Variants in PDXDC1 observed in about 807,000 individuals in gnomAD.
PDXDC1 encodes pyridoxal dependent decarboxylase domain containing 1.
Under a neutral mutation model 100.1 loss-of-function variants are expected in PDXDC1, and 42 were observed. That is an observed-to-expected ratio of 0.42 (90% confidence interval 0.33 to 0.54). The LOEUF is 0.54. Ranked by LOEUF, PDXDC1 falls within the 20% of genes least tolerant of loss-of-function variation. The probability of loss-of-function intolerance (pLI) is 0.10; values close to 1 mark genes in which losing one functional copy is unlikely to be tolerated. For missense variants in PDXDC1, 636 were observed against 979.2 expected, an observed-to-expected ratio of 0.65 and a Z score of 4.68; for synonymous variants, 260 against 371.7, an observed-to-expected ratio of 0.70 and a Z score of 3.46.
At chr16:15,081,275 C>T (rs2151802814) in intron 16 of PDXDC1, among the ~76,000 whole-genome samples, 1 of 152,308 alleles carries the variant, frequency 6.6e-6, no homozygotes, top group Admixed American at 6.5e-5. Flanking sequence ...CTACATTTAA[C>T]CTTGAAGAAA....
At chr16:15,132,803 T>G (rs1451157124) in intron 16 of PDXDC1, 2 of 1,306,994 alleles carry the variant, frequency 1.5e-6, no homozygotes, top group African/African-American at 2.9e-5. Context: ...CTCCGTGATG[T>G]TCTTGCGTAT....
downstream of PDXDC1, chr16:15,038,351 G>A: frequency 6.1e-6 from 4 of 651,884 alleles, no homozygotes; most frequent in South Asian, 8.7e-5. Context: ...GAATTAGTAA[G>A]AAAAAAGTTG....
chr16:15,130,323 G>A (rs1396004398), intron 16 of PDXDC1: 3 of 1,546,212 alleles, frequency 1.9e-6, no homozygotes, highest in African/African-American at 2.7e-5. Flanking sequence ...CAGCCCCTCT[G>A]TCCGCCACAC....
intron 16 of PDXDC1, chr16:15,059,971 C>T (rs1169153985): frequency 1.1e-5 from 2 of 182,300 alleles, no homozygotes; most frequent in Non-Finnish European, 2.3e-5. Flanking sequence ...GAGTTTTCCA[C>T]TGCAAAATGC....
chr16:15,124,783 C>T (rs2047613947), intron 16 of PDXDC1, among the ~76,000 whole-genome samples: 1 of 151,160 alleles, frequency 6.6e-6, no homozygotes, highest in South Asian at 2.1e-4. Flanking sequence ...AAAACAGCAA[C>T]AACTACAAAC....
chr16:15,063,261 T>C (rs2044794246), intron 16 of PDXDC1: 5 of 1,613,288 alleles, frequency 3.1e-6, no homozygotes, highest in Non-Finnish European at 4.2e-6. Flanking sequence ...ACCTGATAAA[T>C]AGGATCAATG....
intron 6 of PDXDC1, among the ~76,000 whole-genome samples, chr16:15,008,103 C>A (rs1409531642): frequency 6.6e-6 from 1 of 152,272 alleles, no homozygotes; most frequent in East Asian, 1.9e-4. Flanking sequence ...TTGGGTGTCA[C>A]ATTCATAATT....
intron 16 of PDXDC1, among the ~76,000 whole-genome samples, chr16:15,132,446 G>A (rs1348158608): frequency 5.6e-5 from 8 of 141,698 alleles, no homozygotes; most frequent in Non-Finnish European, 7.8e-5. Context: ...GAGGGGAGGG[G>A]AGAGTGGAAG....
intron 16 of PDXDC1, among the ~76,000 whole-genome samples, chr16:15,117,382 C>A (rs1011130952): frequency 6.4e-5 from 9 of 140,820 alleles, no homozygotes; most frequent in African/African-American, 1.9e-4. Context: ...ATATTTTGGC[C>A]AGGCGCGGTG....
intron 16 of PDXDC1, among the ~76,000 whole-genome samples, chr16:15,031,146 G>T (rs373266476): frequency 9.0e-6 from 1 of 110,588 alleles, no homozygotes; most frequent in Admixed American, 1.3e-4. Flanking sequence ...CCATAGAGAC[G>T]TGGTCTCACT....
At chr16:15,013,977 C>T (rs1268013061) in intron 8 of PDXDC1, among the ~76,000 whole-genome samples, 14 of 152,176 alleles carry the variant, frequency 9.2e-5, no homozygotes, top group East Asian at 1.9e-4. Flanking sequence ...GAGGCCAAGG[C>T]GGGAAGATCA....
At chr16:15,098,589 A>T (rs1270885644) in intron 16 of PDXDC1, among the ~76,000 whole-genome samples, 1 of 151,802 alleles carries the variant, frequency 6.6e-6, no homozygotes, top group African/African-American at 2.4e-5. Context: ...ATAAAGAGTG[A>T]CCTTCTTGGC....
chr16:15,144,324 C>T (rs2048520492), downstream of PDXDC1, among the ~76,000 whole-genome samples: 1 of 152,202 alleles, frequency 6.6e-6, no homozygotes, highest in African/African-American at 2.4e-5. Flanking sequence ...AGTGAGGCGG[C>T]TTCCAGGGCC....
chr16:15,073,205 C>T (rs1883435130), intron 16 of PDXDC1: 1 of 1,090,264 alleles, frequency 9.2e-7, no homozygotes, highest in Non-Finnish European at 1.3e-6. Flanking sequence ...GTGGCTCCTG[C>T]CTGCAATCCC....
At chr16:14,981,169 T>TA (rs1967887220) in intron 1 of PDXDC1, among the ~76,000 whole-genome samples, 1 of 152,302 alleles carries the variant, frequency 6.6e-6, no homozygotes, top group South Asian at 2.1e-4. Context: ...AATTATGCTT[T>TA]TCTAGAGTTT....
chr16:15,067,418 C>G lies in PDXDC1; in HGVS notation c.1399+37362C>G. 2.5e-5 allele frequency among the ~76,000 whole-genome samples: 2 copies of G among 80,228 alleles called. 1 individual carries two copies. Among genetic ancestry groups the G allele is most frequent in the South Asian group, 8.6e-4 (2 of 2,322 alleles). 52.6% of individuals were successfully genotyped at this position (80,228 alleles called of 152,430 possible). ...GTACCTCCACCTCCCTGTTGATAAA[C>G]AGGGTTTCATCCTAGAGGATCAAAT... On this transcript the variant is annotated intron_variant, in intron 16 of 16. Coordinates refer to the PDXDC1 transcript ENST00000535621.
the PDXDC1 span, among the ~76,000 whole-genome samples, chr16:15,146,973 C>T: frequency 6.6e-6 from 1 of 152,038 alleles, no homozygotes; most frequent in African/African-American, 2.4e-5. Flanking sequence ...GGGACGTGAA[C>T]CCAAGTCTGA....
intron 4 of PDXDC1, among the ~76,000 whole-genome samples, chr16:15,003,410 G>A (rs966681989): frequency 2.6e-5 from 4 of 152,102 alleles, no homozygotes; most frequent in Non-Finnish European, 4.4e-5. Flanking sequence ...TAGAGATGGG[G>A]TTTCACCATG....
chr16:15,117,704 A>AT (rs2047287726), intron 16 of PDXDC1, among the ~76,000 whole-genome samples: 5 of 118,122 alleles, frequency 4.2e-5, no homozygotes, highest in African/African-American at 6.6e-5. Context: ...GGGTGAGAAA[A>AT]GAAAAAAAAA....
Sources: allele counts gnomAD v4.1 joint callset (sites outside exome capture counted in the v4.1 genomes callset), GRCh38; gene constraint gnomAD v4.1.1; transcripts MANE v1.5; gene names NCBI Gene and HGNC (gene_info 2026-07-23, HGNC 2026-07-21).